PTPN13: variants seen among roughly 807,000 people sequenced by gnomAD.
PTPN13 encodes the protein tyrosine-protein phosphatase non-receptor type 13.
In PTPN13, 191 loss-of-function variants were observed where a neutral mutation model predicts 284.0. The ratio of observed to expected loss-of-function variants is 0.67; its 90% confidence interval spans 0.60 to 0.76. The LOEUF (loss-of-function observed/expected upper bound fraction) is 0.76, where lower values mean the gene tolerates loss of function less well. Among genes scored for constraint, PTPN13 ranks in the 30% least tolerant of loss-of-function variants. The pLI, the probability that PTPN13 is intolerant of heterozygous loss-of-function variation, is 0.00. For missense variants in PTPN13, 2,797 were observed against 2,939.9 expected (o/e 0.95, Z 1.12); for synonymous variants, 986 against 1,022.3 (o/e 0.96, Z 0.68).
chr4:86,798,140 G>T (rs1345691609), intron 41 of PTPN13, among the ~76,000 whole-genome samples: 1 of 152,150 alleles, frequency 6.6e-6, no homozygotes, highest in South Asian at 2.1e-4. Flanking sequence ...GTCAGAAGGA[G>T]CCAAATAAGG....
rs917331864 is a variant in PTPN13, at chr4:86,689,591, G to A, written c.546+401G>A. Reference sequence around the variant, plus strand: ...CTTTCTGTTGCTTTATACCTGTTTCGTGACCACTCATTTGTCTGGATCTTC... The same window carrying A: ...CTTTCTGTTGCTTTATACCTGTTTCATGACCACTCATTTGTCTGGATCTTC... On this transcript the variant is annotated intron_variant, in intron 5 of 47. Transcript: ENST00000411767. 27 of 696,528 alleles carry A rather than the reference G, an allele frequency of 3.9e-5. No individual in the cohort carries two copies. In the East Asian group the frequency reaches 4.3e-4, roughly 11 times the overall value. 43.1% of individuals were successfully genotyped at this position (696,528 alleles called of 1,614,324 possible). A position where few individuals can be genotyped will look rare whatever the true frequency, so the allele number is the denominator to read the frequency against.
rs145780649 is a variant in PTPN13 at position 86,624,200 on chromosome 4, C to T, written c.-5-11052C>T. Among the ~76,000 whole-genome samples the T allele has an allele frequency of 2.8e-3, 427 of 152,006 alleles. 4 individuals are homozygous for T. The highest frequency in any genetic ancestry group is 1.0e-2 in the African/African-American group (414 of 41,440). On this transcript the variant is annotated intron_variant, in intron 1 of 47. Transcript: ENST00000411767. ...TATTTTCTTTTTTATACTGCATAGA[C>T]CCCATAATCCTTCCCCACAATAACT...
At chr4:86,667,669 A>G (rs1037101791) in intron 2 of PTPN13, among the ~76,000 whole-genome samples, 2 of 152,204 alleles carry the variant, frequency 1.3e-5, no homozygotes, top group African/African-American at 4.8e-5. Flanking sequence ...TTATAGAGGG[A>G]CTTTGTCAAA....
intron 1 of PTPN13, among the ~76,000 whole-genome samples, chr4:86,635,029 T>C (rs949937629): frequency 1.3e-5 from 2 of 152,214 alleles, no homozygotes; most frequent in African/African-American, 4.8e-5. Flanking sequence ...GTTCTGTCTC[T>C]GAAGTTGACC....
chr4:86,662,520 T>C (rs1332455978), intron 2 of PTPN13, among the ~76,000 whole-genome samples: 1 of 152,078 alleles, frequency 6.6e-6, no homozygotes, highest in Non-Finnish European at 1.5e-5. Context: ...TTAGTAGAGA[T>C]GGGATTTTGC....
chr4:86,794,491 C>G (rs950189444), intron 40 of PTPN13, among the ~76,000 whole-genome samples: 1 of 152,104 alleles, frequency 6.6e-6, no homozygotes, highest in African/African-American at 2.4e-5. Context: ...TTTATAGATT[C>G]AATGCTATCC....
Position 86,814,663 on chromosome 4 carries a change from T to G in PTPN13, c.*112T>G. The G allele has an allele frequency of 1.3e-6, 1 of 757,682 alleles. No individual in the cohort carries two copies. Among genetic ancestry groups the G allele is most frequent in the Non-Finnish European group, 2.2e-6 (1 of 454,460 alleles). The allele number at this position is 757,682 out of a possible 1,614,324, so 46.9% of individuals were successfully genotyped here. A position where few individuals can be genotyped will look rare whatever the true frequency, so the allele number is the denominator to read the frequency against. On this transcript the variant is annotated 3_prime_UTR_variant, in exon 48 of 48. Coordinates refer to ENST00000411767, the MANE Select transcript of PTPN13 (RefSeq NM_080683.3). ...GCAGCAAGTTCATACAACATGCATG[T>G]TCTCCTCTATCTTAGAGGGGTATTC...
At position 86,623,851 on chromosome 4, in the gene PTPN13, C is replaced by T. The variant is rs543843734; in HGVS notation, c.-5-11401C>T. On this transcript the variant is annotated intron_variant, in intron 1 of 47. Coordinates refer to ENST00000411767, the MANE Select transcript of PTPN13 (RefSeq NM_080683.3). ...TCTACTTTCTGACTTTCCTGCTATT[C>T]CCTAGGCCTCCTTCTTAGTTATTTT... Among the ~76,000 whole-genome samples, 222 of 152,176 alleles carry T rather than the reference C, an allele frequency of 1.5e-3. 2 individuals carry two copies. Among genetic ancestry groups the T allele is most frequent in the African/African-American group, 5.1e-3 (210 of 41,532 alleles).
At chr4:86,782,378 A>G (rs1341486580) in intron 37 of PTPN13, 116 bp downstream of exon 37, 9 of 970,304 alleles carry the variant, frequency 9.3e-6, no homozygotes, top group Non-Finnish European at 1.4e-5. Context: ...AGATATTCAT[A>G]TTAATAGTAA....
chr4:86,694,883 C>A (rs903931056), intron 6 of PTPN13, among the ~76,000 whole-genome samples: 1 of 151,888 alleles, frequency 6.6e-6, no homozygotes, highest in Non-Finnish European at 1.5e-5. Context: ...ATTGATATAG[C>A]TTAATAAAAT....
At chr4:86,774,258 A>C in intron 32 of PTPN13, 115 bp from the exon 33 acceptor site, 1 of 1,023,110 alleles carries the variant, frequency 9.8e-7, no homozygotes. Flanking sequence ...TGGACAAGTT[A>C]AGTAACCTTT....
intron 15 of PTPN13, among the ~76,000 whole-genome samples, chr4:86,737,496 G>A (rs931382490): frequency 2.0e-5 from 3 of 151,798 alleles, no homozygotes; most frequent in Admixed American, 2.0e-4. Flanking sequence ...GACCCACAAA[G>A]CCTGAAATAT....
intron 40 of PTPN13, 105 bp downstream of exon 40, chr4:86,786,041 A>G: frequency 1.8e-6 from 1 of 568,810 alleles, no homozygotes; most frequent in East Asian, 3.4e-5. Flanking sequence ...TTACTCAAAA[A>G]TTAAATTTAG....
chr4:86,788,403 A>G (rs1051860660), intron 40 of PTPN13, among the ~76,000 whole-genome samples: 40 of 152,180 alleles, frequency 2.6e-4, no homozygotes, highest in African/African-American at 8.7e-4. Flanking sequence ...AACAAATTGT[A>G]TATTATTTAC....
intron 2 of PTPN13, among the ~76,000 whole-genome samples, chr4:86,668,898 C>T (rs1053766108): frequency 7.3e-5 from 11 of 151,602 alleles, no homozygotes; most frequent in Non-Finnish European, 1.0e-4. Flanking sequence ...TGAGCCACTG[C>T]GCCCAGCCTG....
chr4:86,696,890 G>A (rs909277640), intron 6 of PTPN13, among the ~76,000 whole-genome samples: 5 of 151,978 alleles, frequency 3.3e-5, no homozygotes, highest in Admixed American at 3.3e-4. Context: ...AGTATAAGGG[G>A]AGAGTATTCT....
chr4:86,702,896 T>C (rs1731316247), intron 7 of PTPN13, among the ~76,000 whole-genome samples: 1 of 152,162 alleles, frequency 6.6e-6, no homozygotes, highest in Admixed American at 6.5e-5. Flanking sequence ...GGATCATATT[T>C]ATTTTTAAGA....
Position 86,780,383 on chromosome 4 carries a change from G to T in PTPN13, c.5892-19G>T. The T allele has an allele frequency of 6.3e-7, 1 of 1,595,770 alleles. No homozygotes were observed. Among genetic ancestry groups the T allele is most frequent in the Non-Finnish European group, 8.5e-7 (1 of 1,169,728 alleles). On this transcript the variant is annotated intron_variant, in intron 35 of 47. Coordinates refer to ENST00000411767, the MANE Select transcript of PTPN13 (RefSeq NM_080683.3). ...ACAATGTCCAAGACAATTTACAGTTGTCTTTTTTTACAACACAGAAATGAT... is the reference window on the plus strand; with the variant it reads ...ACAATGTCCAAGACAATTTACAGTTTTCTTTTTTTACAACACAGAAATGAT...
At chr4:86,647,491 G>A (rs2200052) in intron 2 of PTPN13, among the ~76,000 whole-genome samples, 7,061 of 151,344 alleles carry the variant, frequency 0.047, 223 homozygotes, top group African/African-American at 0.061. Context: ...ATTTAAATTA[G>A]TTTATTGAAT....
Sources: gnomAD v4.1 joint callset for allele counts (sites outside exome capture counted in the v4.1 genomes callset) on GRCh38, gnomAD v4.1.1 for gene constraint, MANE v1.5 for transcripts, NCBI Gene and HGNC (gene_info 2026-07-23, HGNC 2026-07-21) for gene names.